Variants in ACBD7 observed in about 807,000 individuals in gnomAD.
ACBD7 encodes acyl-CoA-binding domain-containing protein 7.
Under a neutral mutation model 13.7 loss-of-function variants are expected in ACBD7, and 11 were observed. The observed-to-expected ratio is 0.80, with a 90% CI of 0.50 to 1.33. The LOEUF (loss-of-function observed/expected upper bound fraction) is 1.33, where lower values mean the gene tolerates loss of function less well. Ranked by LOEUF, ACBD7 falls within the 40% of genes most tolerant of loss-of-function variation. ACBD7 has a pLI of 0.00. For synonymous variants in ACBD7, 43 were observed against 37.7 expected (o/e 1.14, Z -0.51); for missense variants, 111 against 103.0 (o/e 1.08, Z -0.33).
chr10:15,078,190 CT>C lies in ACBD7; in HGVS notation c.*339del. 2 of 320,818 alleles carry C rather than the reference CT, an allele frequency of 6.2e-6. No individual in the cohort carries two copies. The highest frequency in any genetic ancestry group is 2.0e-4 in the East Asian group (2 of 9,888). The allele number at this position is 320,818 out of a possible 1,614,324, so 19.9% of individuals were successfully genotyped here. A position where few individuals can be genotyped will look rare whatever the true frequency, so the allele number is the denominator to read the frequency against. On this transcript the variant is annotated 3_prime_UTR_variant, in exon 4 of 4. Transcript: ENST00000356189. ...ACTCCCACTTATGAGTGAGAACATG[CT>C]TGGTTTTCTGATCTTGTGATAGTTT...
In ACBD7 at chr10:15,088,732, G is replaced by C. The variant is rs1347538455; in HGVS notation, c.-4C>G. 6.3e-7 allele frequency: 1 copy of C among 1,598,470 alleles called. No homozygotes were observed. Among genetic ancestry groups the C allele is most frequent in the African/African-American group, 1.4e-5 (1 of 72,926 alleles). ...CCCCGGGTACCTGCAGGGCCATGGT[G>C]GCGGCTGCCGCGTTGTTGCTGCTGC... On this transcript the variant is annotated 5_prime_UTR_variant, in exon 1 of 4. Coordinates refer to ENST00000356189, the MANE Select transcript of ACBD7 (RefSeq NM_001039844.3).
chr10:15,085,975 G>A (rs1378669270), intron 1 of ACBD7, among the ~76,000 whole-genome samples: 2 of 152,158 alleles, frequency 1.3e-5, no homozygotes, highest in African/African-American at 4.8e-5. Flanking sequence ...AGACAGAAGA[G>A]ATTTCAATAT....
At position 15,088,706 on chromosome 10, in the gene ACBD7, G is replaced by T. The variant is rs200829418; in HGVS notation, c.12+11C>A. 82 of 1,596,872 alleles carry T rather than the reference G, an allele frequency of 5.1e-5. No homozygotes were observed. Among genetic ancestry groups the T allele is most frequent in the Non-Finnish European group, 6.7e-5 (79 of 1,175,634 alleles). ...CGCCCCTCCCGCGTGGCCTCCCCGC[G>T]CCCCGGGTACCTGCAGGGCCATGGT... On this transcript the variant is annotated intron_variant, in intron 1 of 3. Transcript: ENST00000356189.
intron 1 of ACBD7, among the ~76,000 whole-genome samples, chr10:15,083,089 T>G (rs1272208017): frequency 6.6e-6 from 1 of 152,170 alleles, no homozygotes; most frequent in African/African-American, 2.4e-5. Flanking sequence ...CCTGGACCCC[T>G]CTGCACAGAA....
chr10:15,087,411 G>T (rs1844822198), intron 1 of ACBD7, among the ~76,000 whole-genome samples: 1 of 152,212 alleles, frequency 6.6e-6, no homozygotes, highest in African/African-American at 2.4e-5. Flanking sequence ...CTTTACGCAG[G>T]ATAACGTCTT....
Position 15,076,151 on chromosome 10 carries a change from A to G in ACBD7, c.*2379T>C, listed in dbSNP as rs1844679087. 1.0e-6 allele frequency: 1 copy of G among 985,190 alleles called. No individual in the cohort carries two copies. The highest frequency in any genetic ancestry group is 1.2e-6 in the Non-Finnish European group (1 of 829,902). 61.0% of individuals were successfully genotyped at this position (985,190 alleles called of 1,614,324 possible). A position where few individuals can be genotyped will look rare whatever the true frequency, so the allele number is the denominator to read the frequency against. ...GAAGTGGATCTATTCCTCTGGTCAT[A>G]CCATTCCAAATCTAAATTTTTATGC... On this transcript the variant is annotated 3_prime_UTR_variant, in exon 4 of 4. Transcript: ENST00000356189.
intron 1 of ACBD7, among the ~76,000 whole-genome samples, chr10:15,084,874 G>A (rs1374398911): frequency 6.6e-6 from 1 of 152,218 alleles, no homozygotes; most frequent in Non-Finnish European, 1.5e-5. Flanking sequence ...CAGAAAGTGG[G>A]GAGGAGGTTG....
intron 1 of ACBD7, among the ~76,000 whole-genome samples, chr10:15,086,332 C>T (rs1176447497): frequency 6.6e-6 from 1 of 151,912 alleles, no homozygotes; most frequent in Non-Finnish European, 1.5e-5. Context: ...TACCTTCCCC[C>T]AATATTGTTG....
intron 1 of ACBD7, 72 bp downstream of exon 1, chr10:15,088,645 C>G (rs1564542222): frequency 6.4e-7 from 1 of 1,563,198 alleles, no homozygotes; most frequent in Non-Finnish European, 8.6e-7. Context: ...GCGCCAAGCC[C>G]ACCCGGAGCC....
Position 15,078,161 on chromosome 10 carries a change from T to C in ACBD7, c.*369A>G, listed in dbSNP as rs1444350685. On this transcript the variant is annotated 3_prime_UTR_variant, in exon 4 of 4. Transcript: ENST00000356189. ...TCCCTGTGTCCATGTGTTCTCATTG[T>C]TCAACTCCCACTTATGAGTGAGAAC... The C allele has an allele frequency of 8.1e-6, 2 of 248,136 alleles. No homozygotes were observed. Among genetic ancestry groups the C allele is most frequent in the South Asian group, 6.8e-5 (1 of 14,614 alleles). The allele number at this position is 248,136 out of a possible 1,614,324, so 15.4% of individuals were successfully genotyped here. A position where few individuals can be genotyped will look rare whatever the true frequency, so the allele number is the denominator to read the frequency against.
rs1409750658 is a variant in ACBD7 at position 15,076,304 on chromosome 10, G to A, written c.*2226C>T. The A allele has an allele frequency of 3.0e-6, 3 of 984,856 alleles. No homozygotes were observed. The highest frequency in any genetic ancestry group is 3.6e-6 in the Non-Finnish European group (3 of 829,770). 61.0% of individuals were successfully genotyped at this position (984,856 alleles called of 1,614,324 possible). A position where few individuals can be genotyped will look rare whatever the true frequency, so the allele number is the denominator to read the frequency against. ...TACCATCCAGAAAGACTGAGTAGGGGGCCAATATTATATTCCAGACTCTAT... is the reference window on the plus strand; with the variant it reads ...TACCATCCAGAAAGACTGAGTAGGGAGCCAATATTATATTCCAGACTCTAT... On this transcript the variant is annotated 3_prime_UTR_variant, in exon 4 of 4. Transcript: ENST00000356189.
At chr10:15,087,761 G>A (rs538723176) in intron 1 of ACBD7, among the ~76,000 whole-genome samples, 1 of 149,472 alleles carries the variant, frequency 6.7e-6, no homozygotes, top group Non-Finnish European at 1.5e-5. Flanking sequence ...CTGGGTGACA[G>A]AGTGAGACTC....
Position 15,077,036 on chromosome 10 carries a change from A to C in ACBD7, c.*1494T>G. ...ATGAAAAACAGCACGGAAATTTCTC[A>C]TGGAACTAAAAATAGAACTACCATT... On this transcript the variant is annotated 3_prime_UTR_variant, in exon 4 of 4. Coordinates refer to ENST00000356189, the MANE Select transcript of ACBD7 (RefSeq NM_001039844.3). 22 of 637,060 alleles carry C rather than the reference A, an allele frequency of 3.5e-5. No individual in the cohort carries two copies. The highest frequency in any genetic ancestry group is 4.3e-5 in the Non-Finnish European group (22 of 511,922). The allele number at this position is 637,060 out of a possible 1,614,324, so 39.5% of individuals were successfully genotyped here.
At chr10:15,083,912 G>C (rs1426893618) in intron 1 of ACBD7, among the ~76,000 whole-genome samples, 1 of 152,220 alleles carries the variant, frequency 6.6e-6, no homozygotes, top group Non-Finnish European at 1.5e-5. Context: ...CAGGCAGATG[G>C]GCATGCACAA....
chr10:15,079,362 C>T (rs373272085), intron 1 of ACBD7, among the ~76,000 whole-genome samples: 3 of 148,476 alleles, frequency 2.0e-5, no homozygotes, highest in Admixed American at 1.4e-4. Flanking sequence ...GCAACCTCTA[C>T]TTCTGGGGCT....
In ACBD7 at chr10:15,078,990, T is replaced by C; in HGVS notation, c.63A>G (p.Pro21=). 1 of 1,609,652 alleles carries C rather than the reference T, an allele frequency of 6.2e-7. No individual in the cohort carries two copies. The highest frequency in any genetic ancestry group is 8.5e-7 in the Non-Finnish European group (1 of 1,177,838). ...AEDVRKLKAR[P]DDGELKELYG... ...AGAGTTCTTTCAGTTCTCCATCATC[T>C]GGTCTTGCTTTCAGCTTCCTCACAT... The change falls in exon 2 of 4, where the codon CCA becomes CCG. Residue 21 remains proline, a synonymous_variant. Coordinates refer to ENST00000356189, the MANE Select transcript of ACBD7 (RefSeq NM_001039844.3).
At position 15,076,531 on chromosome 10, in the gene ACBD7, CTTGTT is replaced by C. The variant is rs1844684295; in HGVS notation, c.*1994_*1998del. Reference sequence around the variant, plus strand: ...TTTTTTTTTTTTTTTGAGACGGAGTCTTGTTTTGTCGCCCAGGCTGGAGTGCAGTG... The same window carrying C: ...TTTTTTTTTTTTTTTGAGACGGAGTCTTGTCGCCCAGGCTGGAGTGCAGTG... On this transcript the variant is annotated 3_prime_UTR_variant, in exon 4 of 4. Coordinates refer to ENST00000356189, the MANE Select transcript of ACBD7 (RefSeq NM_001039844.3). 19 of 863,678 alleles carry C rather than the reference CTTGTT, an allele frequency of 2.2e-5. No individual in the cohort carries two copies. The highest frequency in any genetic ancestry group is 2.5e-5 in the Non-Finnish European group (18 of 728,588). 53.5% of individuals were successfully genotyped at this position (863,678 alleles called of 1,614,324 possible).
Position 15,079,447 on chromosome 10 carries a change from G to A in ACBD7, c.13-407C>T, listed in dbSNP as rs570218766. On this transcript the variant is annotated intron_variant, in intron 1 of 3. Coordinates refer to ENST00000356189, the MANE Select transcript of ACBD7 (RefSeq NM_001039844.3). ...GCACCACCACACTCGGCTAATTTTTGTATTTTTTGTAGAGATGGGGTTTTG... is the reference window on the plus strand; with the variant it reads ...GCACCACCACACTCGGCTAATTTTTATATTTTTTGTAGAGATGGGGTTTTG... Among the ~76,000 whole-genome samples the A allele has an allele frequency of 4.7e-5, 7 of 148,440 alleles. No individual in the cohort carries two copies. The East Asian group carries it at 1.2e-3, about 25-fold the overall frequency.
intron 1 of ACBD7, among the ~76,000 whole-genome samples, chr10:15,082,796 G>A (rs1451753909): frequency 6.6e-6 from 1 of 152,116 alleles, no homozygotes; most frequent in Non-Finnish European, 1.5e-5. Flanking sequence ...CAGCATTTTG[G>A]GAGGCTGAGG....
Sources: allele counts gnomAD v4.1 joint callset (sites outside exome capture counted in the v4.1 genomes callset), GRCh38; gene constraint gnomAD v4.1.1; transcripts MANE v1.5; gene names NCBI Gene and HGNC (gene_info 2026-07-23, HGNC 2026-07-21).